The following NUP210L variants were observed in gnomAD, a reference collection of about 807,000 sequenced individuals.
NUP210L encodes nucleoporin 210 like.
A neutral mutation model predicts 208.5 loss-of-function variants in NUP210L; 74 were observed. The ratio of observed to expected loss-of-function variants is 0.35; its 90% CI spans 0.29 to 0.43. NUP210L has a LOEUF of 0.43. Ranked by LOEUF, NUP210L falls within the 20% of genes least tolerant of loss-of-function variation. The pLI, the probability that NUP210L is intolerant of heterozygous loss-of-function variation, is 1.00. For synonymous variants in NUP210L, 780 were observed against 816.9 expected, an observed-to-expected ratio of 0.95 and a Z score of 0.77; for missense variants, 1,843 against 2,289.4, an observed-to-expected ratio of 0.81 and a Z score of 3.98.
chr1:154,145,735 T>C (rs935012474), intron 2 of NUP210L, among the ~76,000 whole-genome samples: 4 of 152,296 alleles, frequency 2.6e-5, no homozygotes, highest in Admixed American at 6.5e-5. Flanking sequence ...GAATTGAAGA[T>C]ATCAGTATGA....
In NUP210L at chr1:154,134,895, G is replaced by T. The variant is rs1041143271; in HGVS notation, c.1009+919C>A. Among the ~76,000 whole-genome samples, 6 of 151,410 alleles carry T rather than the reference G, an allele frequency of 4.0e-5. 1 individual carries two copies. Among genetic ancestry groups the T allele is most frequent in the Non-Finnish European group, 8.8e-5 (6 of 67,854 alleles). On this transcript the variant is annotated intron_variant, in intron 7 of 39. Coordinates refer to ENST00000368559, the Ensembl canonical transcript of NUP210L. ...TGGGATTACAGGCATGCACCACCAC[G>T]CCCGGCTAATTTTTGTATTTTTAGT...
At chr1:154,035,659 A>G (rs1652493760) in intron 27 of NUP210L, among the ~76,000 whole-genome samples, 4 of 152,074 alleles carry the variant, frequency 2.6e-5, no homozygotes, top group Admixed American at 2.6e-4. Flanking sequence ...TGGGCCTCCT[A>G]AAGTGCTGGG....
At chr1:154,145,500 C>T (rs2148151520) in intron 2 of NUP210L, among the ~76,000 whole-genome samples, 1 of 151,886 alleles carries the variant, frequency 6.6e-6, no homozygotes, top group South Asian at 2.1e-4. Context: ...TCAACAAGGG[C>T]TAAGATGCAA....
chr1:154,091,364 G>A (rs1463038811), intron 15 of NUP210L, among the ~76,000 whole-genome samples: 2 of 151,910 alleles, frequency 1.3e-5, no homozygotes, highest in East Asian at 1.9e-4. Context: ...CCAAGATGCT[G>A]GGATTACAAG....
At chr1:154,084,515 A>C (rs1484052765) in intron 16 of NUP210L, among the ~76,000 whole-genome samples, 1 of 151,650 alleles carries the variant, frequency 6.6e-6, no homozygotes, top group African/African-American at 2.4e-5. Context: ...CCCGGCCTTA[A>C]ATTTTTTGTA....
At chr1:154,016,646 T>C (rs1651263184) in intron 33 of NUP210L, among the ~76,000 whole-genome samples, 1 of 151,960 alleles carries the variant, frequency 6.6e-6, no homozygotes, top group Admixed American at 6.6e-5. Flanking sequence ...AATCAAACAT[T>C]CATTCAGGTC....
intron 25 of NUP210L, among the ~76,000 whole-genome samples, chr1:154,052,927 T>A (rs1653607770): frequency 6.6e-6 from 1 of 152,154 alleles, no homozygotes; most frequent in Non-Finnish European, 1.5e-5. Flanking sequence ...AATGGTCAGA[T>A]GGTAGAAATG....
exon 6 of NUP210L, chr1:154,138,187 T>A (rs1658643252): frequency 6.5e-7 from 1 of 1,544,692 alleles, no homozygotes; most frequent in Non-Finnish European, 8.6e-7. Flanking sequence ...TGGGATGGTA[T>A]AAGAAATATA....
rs1214124162 is a variant in NUP210L, at chr1:154,072,771, C to T, written c.2362-2306G>A. Reference sequence around the variant, plus strand: ...CCCTCACCTTATACAAAAATCAATTCGAGATGGATCAAGGACTAAAATCTA... The same window carrying T: ...CCCTCACCTTATACAAAAATCAATTTGAGATGGATCAAGGACTAAAATCTA... On this transcript the variant is annotated intron_variant, in intron 16 of 39. Transcript: ENST00000368559. Among the ~76,000 whole-genome samples the T allele has an allele frequency of 7.9e-5, 12 of 152,070 alleles. No individual in the cohort carries two copies. In the South Asian group the frequency reaches 8.3e-4, roughly 10 times the overall value.
intron 33 of NUP210L, among the ~76,000 whole-genome samples, chr1:154,013,006 C>CAAAAAAAAAAA (rs149011212): frequency 1.4e-5 from 1 of 72,630 alleles, no homozygotes; most frequent in Non-Finnish European, 2.4e-5. Flanking sequence ...AACTCTGAAT[C>CAAAAAAAAAAA]AAAAAAAAAA....
At chr1:154,084,269 T>C (rs1209156808) in intron 16 of NUP210L, among the ~76,000 whole-genome samples, 3 of 151,290 alleles carry the variant, frequency 2.0e-5, no homozygotes, top group Non-Finnish European at 2.9e-5. Flanking sequence ...TGGAGTGCAG[T>C]GGTGTGATCT....
chr1:154,063,828 T>C (rs1654260513), intron 17 of NUP210L, among the ~76,000 whole-genome samples: 1 of 151,952 alleles, frequency 6.6e-6, no homozygotes, highest in Non-Finnish European at 1.5e-5. Context: ...AGACTTGTAT[T>C]GTGAAGAAGA....
chr1:154,074,513 G>A (rs1654936689), intron 16 of NUP210L, among the ~76,000 whole-genome samples: 1 of 144,586 alleles, frequency 6.9e-6, no homozygotes, highest in Non-Finnish European at 1.5e-5. Context: ...TTTTGAGACG[G>A]AGTCTCACTC....
At chr1:154,076,081 G>C (rs1655015686) in intron 16 of NUP210L, among the ~76,000 whole-genome samples, 1 of 150,378 alleles carries the variant, frequency 6.6e-6, no homozygotes. Context: ...GAGCCACCAT[G>C]CCTGGGCCAG....
At chr1:154,067,225 C>T (rs1174185418) in intron 17 of NUP210L, among the ~76,000 whole-genome samples, 1 of 152,098 alleles carries the variant, frequency 6.6e-6, no homozygotes, top group African/African-American at 2.4e-5. Context: ...TCCAGCAGCA[C>T]ATCAAAAAGC....
intron 35 of NUP210L, among the ~76,000 whole-genome samples, chr1:154,009,328 AAT>A (rs1650762725): frequency 6.6e-6 from 1 of 152,266 alleles, no homozygotes; most frequent in South Asian, 2.1e-4. Context: ...TTTTATTTGG[AAT>A]ATCTTTCAAT....
chr1:154,017,467 G>T (rs1344243464), intron 33 of NUP210L, among the ~76,000 whole-genome samples: 1 of 151,038 alleles, frequency 6.6e-6, no homozygotes, highest in Non-Finnish European at 1.5e-5. Flanking sequence ...TGCCTTCCAG[G>T]ATACACATAT....
chr1:154,130,576 ATTTTT>A (rs765115829), intron 7 of NUP210L, among the ~76,000 whole-genome samples: 1 of 98,962 alleles, frequency 1.0e-5, no homozygotes, highest in Non-Finnish European at 2.0e-5. Context: ...CCTGGCCCCA[ATTTTT>A]TTTTTTTTTT....
chr1:154,136,527 C>T (rs1200286178), intron 6 of NUP210L, among the ~76,000 whole-genome samples: 1 of 151,730 alleles, frequency 6.6e-6, no homozygotes, highest in Non-Finnish European at 1.5e-5. Context: ...ATTGGTTTTG[C>T]TTGTATTCTT....
Sources: gnomAD v4.1 joint callset for allele counts (sites outside exome capture counted in the v4.1 genomes callset) on GRCh38, gnomAD v4.1.1 for gene constraint, MANE v1.5 for transcripts, NCBI Gene and HGNC (gene_info 2026-07-23, HGNC 2026-07-21) for gene names.